CALN1: variants seen among roughly 807,000 people sequenced by gnomAD.
CALN1 encodes the protein calcium-binding protein 8.
In CALN1, 17 loss-of-function variants were observed where a neutral mutation model predicts 30.6. The observed-to-expected ratio is 0.56, with a 90% CI of 0.38 to 0.83. The LOEUF (loss-of-function observed/expected upper bound fraction) is 0.83, where lower values mean the gene tolerates loss of function less well. Ranked by LOEUF, CALN1 falls within the 40% of genes least tolerant of loss-of-function variation. The pLI is 0.00. For synonymous variants in CALN1, 156 were observed against 131.4 expected (o/e 1.19, Z -1.28); for missense variants, 291 against 354.9 (o/e 0.82, Z 1.45).
At chr7:72,052,922 G>C (rs965717545) in intron 4 of CALN1, among the ~76,000 whole-genome samples, 1 of 141,218 alleles carries the variant, frequency 7.1e-6, no homozygotes, top group South Asian at 2.5e-4. Flanking sequence ...GCTCACGCCT[G>C]TAATCCCAGC....
intron 1 of CALN1, 35 bp from the exon 2 acceptor site, chr7:72,403,477 A>G (rs1163869921): frequency 1.3e-6 from 1 of 781,830 alleles, no homozygotes. Flanking sequence ...CAGCCTGCAC[A>G]GTGCTGGGCG....
At chr7:72,102,981 G>A (rs1358698780) in intron 4 of CALN1, among the ~76,000 whole-genome samples, 1 of 150,620 alleles carries the variant, frequency 6.6e-6, no homozygotes, top group Admixed American at 6.7e-5. Flanking sequence ...GCTGAGGCAG[G>A]AGAATTGCTT....
At chr7:72,305,443 C>T (rs1441146410) in intron 2 of CALN1, among the ~76,000 whole-genome samples, 4 of 152,118 alleles carry the variant, frequency 2.6e-5, no homozygotes, top group African/African-American at 9.7e-5. Flanking sequence ...TGATGAATTT[C>T]TATGTAACTT....
At chr7:72,267,020 T>C (rs1377583161) in intron 3 of CALN1, among the ~76,000 whole-genome samples, 7 of 152,356 alleles carry the variant, frequency 4.6e-5, no homozygotes, top group Admixed American at 4.6e-4. Flanking sequence ...GGGATGATGA[T>C]GTGGCTCATT....
At chr7:72,481,637 C>T in the CALN1 span, among the ~76,000 whole-genome samples, 1 of 152,154 alleles carries the variant, frequency 6.6e-6, no homozygotes, top group African/African-American at 2.4e-5. Flanking sequence ...TGGCATGCAA[C>T]ACATTTTGAT....
At chr7:72,146,724 C>G (rs1319697300) in intron 3 of CALN1, among the ~76,000 whole-genome samples, 1 of 152,176 alleles carries the variant, frequency 6.6e-6, no homozygotes, top group Non-Finnish European at 1.5e-5. Context: ...AACTATACTA[C>G]AAGGCTACAG....
chr7:72,169,798 T>A (rs1788809116), intron 3 of CALN1, among the ~76,000 whole-genome samples: 1 of 150,372 alleles, frequency 6.7e-6, no homozygotes, highest in South Asian at 2.1e-4. Flanking sequence ...CAAGCAATTC[T>A]CCCTGCCTCA....
At chr7:72,253,480 G>A (rs978533148) in intron 3 of CALN1, among the ~76,000 whole-genome samples, 1 of 152,176 alleles carries the variant, frequency 6.6e-6, no homozygotes. Context: ...CATGGCTAAG[G>A]GGGCCTCAGA....
In CALN1 at chr7:71,911,656, G is replaced by A. The variant is rs556304447; in HGVS notation, c.502-101164C>T. Among the ~76,000 whole-genome samples the A allele has an allele frequency of 7.7e-4, 117 of 152,206 alleles. 1 individual carries two copies. Among genetic ancestry groups the A allele is most frequent in the African/African-American group, 2.7e-3 (114 of 41,536 alleles). On this transcript the variant is annotated intron_variant, in intron 5 of 6. Coordinates refer to ENST00000395275, the MANE Select transcript of CALN1 (RefSeq NM_031468.4). ...TGTCTGTGCAGGTGGGTGTACAGAT[G>A]AAAAATGAGATGACTTTCCCTGTGA...
At chr7:72,274,902 T>C (rs1473754405) in intron 3 of CALN1, among the ~76,000 whole-genome samples, 3 of 152,086 alleles carry the variant, frequency 2.0e-5, no homozygotes, top group Admixed American at 2.0e-4. Context: ...CCTCCTGAGC[T>C]TTGTGTAAAG....
At chr7:72,416,486 C>A (rs11980160), upstream of CALN1, among the ~76,000 whole-genome samples, 1 of 152,162 alleles carries the variant, frequency 6.6e-6, no homozygotes, top group Admixed American at 6.5e-5. Context: ...GTAATCCCAG[C>A]GCTTTGCGAG....
At chr7:72,254,603 C>T (rs1179138108) in intron 3 of CALN1, among the ~76,000 whole-genome samples, 2 of 152,072 alleles carry the variant, frequency 1.3e-5, no homozygotes, top group Non-Finnish European at 2.9e-5. Context: ...TGATCAGAGG[C>T]TCAGAGGGCA....
At chr7:72,334,262 A>T (rs920639499) in intron 2 of CALN1, among the ~76,000 whole-genome samples, 1 of 152,202 alleles carries the variant, frequency 6.6e-6, no homozygotes, top group African/African-American at 2.4e-5. Context: ...CCCCCTTCTG[A>T]CAACCAGCAA....
intron 5 of CALN1, among the ~76,000 whole-genome samples, chr7:71,981,081 C>A (rs1012847068): frequency 2.4e-4 from 37 of 152,116 alleles, no homozygotes; most frequent in African/African-American, 8.7e-4. Context: ...AATGTGGACA[C>A]CGGGAATCAT....
Position 71,821,780 on chromosome 7 carries a change from GTTTC to G in CALN1, c.502-11292_502-11289del, listed in dbSNP as rs199701169. On this transcript the variant is annotated intron_variant, in intron 5 of 6. Transcript: ENST00000395275. The stretch of plus-strand genomic sequence containing the variant: ...TCCTTTGGTGTGAATTCTGCTAAAT[GTTTC>G]TTTCTTTTTTTTTTTTTTTTTGAGT... Among the ~76,000 whole-genome samples the G allele has an allele frequency of 8.5e-3, 1,179 of 138,960 alleles. 11 individuals carry two copies. Among genetic ancestry groups the G allele is most frequent in the African/African-American group, 0.025 (891 of 36,210 alleles). The allele number at this position is 138,960 out of a possible 152,430, so 91.2% of individuals were successfully genotyped here.
intron 5 of CALN1, among the ~76,000 whole-genome samples, chr7:71,921,005 C>T (rs781269066): frequency 6.6e-6 from 1 of 152,178 alleles, no homozygotes; most frequent in Non-Finnish European, 1.5e-5. Flanking sequence ...CACATATACA[C>T]CATGGAATAC....
At chr7:72,399,420 A>G (rs1206316237) in intron 2 of CALN1, among the ~76,000 whole-genome samples, 2 of 151,692 alleles carry the variant, frequency 1.3e-5, no homozygotes, top group African/African-American at 4.8e-5. Flanking sequence ...GTAAGCGCAC[A>G]CCACCACCCC....
intron 2 of CALN1, among the ~76,000 whole-genome samples, chr7:72,377,523 T>C (rs968522617): frequency 2.6e-5 from 4 of 151,904 alleles, no homozygotes; most frequent in Admixed American, 6.6e-5. Flanking sequence ...TTTTTGACTA[T>C]TATAAAGGAA....
At chr7:72,071,514 T>C (rs1804393816) in intron 4 of CALN1, among the ~76,000 whole-genome samples, 1 of 152,060 alleles carries the variant, frequency 6.6e-6, no homozygotes, top group Non-Finnish European at 1.5e-5. Context: ...AAAAAAATCA[T>C]GCATATCCAT....
Sources: allele counts gnomAD v4.1 joint callset (sites outside exome capture counted in the v4.1 genomes callset), GRCh38; gene constraint gnomAD v4.1.1; transcripts MANE v1.5; gene names NCBI Gene and HGNC (gene_info 2026-07-23, HGNC 2026-07-21).